Variants in SLC4A5 observed in about 807,000 individuals in gnomAD.
The protein encoded by SLC4A5 is solute carrier family 4 member 5.
A neutral mutation model predicts 120.4 loss-of-function variants in SLC4A5; 96 were observed. That is an observed-to-expected ratio of 0.80 (90% confidence interval 0.68 to 0.94). SLC4A5 has a LOEUF of 0.94. Among genes scored for constraint, SLC4A5 ranks in the 40% least tolerant of loss-of-function variants. SLC4A5 has a pLI of 0.00. For missense variants in SLC4A5, 1,259 were observed against 1,459.5 expected (o/e 0.86, Z 2.24); for synonymous variants, 550 against 571.1 (o/e 0.96, Z 0.53).
At chr2:74,316,635 C>T (rs1056285056) in intron 5 of SLC4A5, among the ~76,000 whole-genome samples, 15 of 152,174 alleles carry the variant, frequency 9.9e-5, no homozygotes, top group East Asian at 1.9e-4. Flanking sequence ...AAGTTATACA[C>T]GCCTACACTT....
chr2:74,312,451 A>G (rs540733471), intron 6 of SLC4A5, among the ~76,000 whole-genome samples: 15 of 151,858 alleles, frequency 9.9e-5, no homozygotes, highest in African/African-American at 3.6e-4. Flanking sequence ...GCTGGTCTCA[A>G]ACTCTTGACC....
At chr2:74,298,862 A>G (rs1384641772) in intron 7 of SLC4A5, among the ~76,000 whole-genome samples, 1 of 152,222 alleles carries the variant, frequency 6.6e-6, no homozygotes, top group Non-Finnish European at 1.5e-5. Context: ...CCTGGGCAAC[A>G]CAGTGAGACC....
At chr2:74,306,502 CTT>C (rs1011294764) in intron 6 of SLC4A5, among the ~76,000 whole-genome samples, 7 of 152,194 alleles carry the variant, frequency 4.6e-5, no homozygotes, top group Non-Finnish European at 8.8e-5. Context: ...GTAAAACTGT[CTT>C]TGACTGCCGA....
At chr2:74,313,985 T>A (rs1485358839) in intron 6 of SLC4A5, among the ~76,000 whole-genome samples, 1 of 152,176 alleles carries the variant, frequency 6.6e-6, no homozygotes, top group African/African-American at 2.4e-5. Flanking sequence ...AATGTGGGAA[T>A]GAAAATCCTT....
intron 25 of SLC4A5, among the ~76,000 whole-genome samples, chr2:74,230,395 G>GC (rs1679216161): frequency 6.6e-6 from 1 of 152,160 alleles, no homozygotes; most frequent in Non-Finnish European, 1.5e-5. Flanking sequence ...TAGTCTCTTA[G>GC]CTGTTGTGGT....
intron 5 of SLC4A5, among the ~76,000 whole-genome samples, chr2:74,326,752 G>A (rs1031491595): frequency 3.3e-5 from 5 of 152,196 alleles, no homozygotes; most frequent in African/African-American, 1.2e-4. Context: ...CCAGGAGGCA[G>A]AGGTTGCAGT....
At chr2:74,232,828 GAACTGCC>G (rs1405267065) in intron 23 of SLC4A5, among the ~76,000 whole-genome samples, 181 bp from the exon 24 acceptor site, 4 of 152,222 alleles carry the variant, frequency 2.6e-5, no homozygotes, top group Admixed American at 2.0e-4. Context: ...CTGAAAGGGT[GAACTGCC>G]TAAGGGGTAT....
intron 2 of SLC4A5, 45 bp from the exon 3 acceptor site, chr2:74,338,948 C>T (rs1673561630): frequency 6.6e-6 from 1 of 152,216 alleles, no homozygotes; most frequent in Admixed American, 6.5e-5. Flanking sequence ...TTACTCACCT[C>T]CCTGTGCTTA....
At chr2:74,227,818 C>T in exon 26 of SLC4A5, 1 of 1,609,806 alleles carries the variant, frequency 6.2e-7, no homozygotes, top group South Asian at 1.1e-5. Flanking sequence ...ACCTGGATGC[C>T]ATTCAGGGAG....
intron 8 of SLC4A5, among the ~76,000 whole-genome samples, chr2:74,266,548 C>T (rs1671309599): frequency 6.6e-6 from 1 of 152,256 alleles, no homozygotes; most frequent in East Asian, 1.9e-4. Context: ...GAATCACAGT[C>T]GTGAGCCACC....
chr2:74,218,544 A>G (rs1171447437), exon 31 of SLC4A5: 23 of 152,470 alleles, frequency 1.5e-4, no homozygotes, highest in Admixed American at 1.5e-3. Flanking sequence ...ATAAAGAAGG[A>G]AACAGGCACA....
intron 2 of SLC4A5, among the ~76,000 whole-genome samples, chr2:74,341,142 TA>T (rs1345448023): frequency 6.6e-6 from 1 of 151,882 alleles, no homozygotes; most frequent in Non-Finnish European, 1.5e-5. Context: ...CCATCTCTAC[TA>T]AAAATACAAA....
chr2:74,279,054 C>A (rs936156551), intron 8 of SLC4A5, among the ~76,000 whole-genome samples: 2 of 152,240 alleles, frequency 1.3e-5, no homozygotes, highest in African/African-American at 4.8e-5. Context: ...CCTCCCTCAG[C>A]TTCTTTTCCC....
intron 6 of SLC4A5, among the ~76,000 whole-genome samples, chr2:74,313,049 CTT>C (rs58455711): frequency 4.1e-4 from 44 of 107,906 alleles, no homozygotes; most frequent in African/African-American, 7.4e-4. Flanking sequence ...CCTTTTTGGT[CTT>C]TTTTTTTTTT....
At position 74,248,321 on chromosome 2, in the gene SLC4A5, G is replaced by A. The variant is rs747682428; in HGVS notation, c.1787+32C>T. The A allele has an allele frequency of 1.1e-5, 18 of 1,610,964 alleles. No homozygotes were observed. The East Asian group carries it at 2.5e-4, about 22-fold the overall frequency. ...CCAGCATACTGCCCCAAATGCGAGA[G>A]CAGGCACTGGGGGCCACCAAGGGAC... is the stretch of plus-strand genomic sequence containing the variant. On this transcript the variant is annotated intron_variant, in intron 18 of 30. Transcript: ENST00000394019.
exon 31 of SLC4A5, chr2:74,218,591 G>C (rs1257060981): frequency 2.0e-5 from 3 of 152,680 alleles, no homozygotes; most frequent in South Asian, 2.1e-4. Flanking sequence ...ACTAAGCCAG[G>C]CTCTCCATCT....
intron 5 of SLC4A5, 25 bp from the exon 6 acceptor site, chr2:74,315,050 TC>T: frequency 1.3e-6 from 2 of 1,564,904 alleles, no homozygotes; most frequent in East Asian, 4.5e-5. Context: ...GAACACAGCC[TC>T]AAAATGTATA....
chr2:74,241,109 T>A (rs373494886), intron 20 of SLC4A5, among the ~76,000 whole-genome samples: 1 of 151,746 alleles, frequency 6.6e-6, no homozygotes, highest in African/African-American at 2.4e-5. Flanking sequence ...GGCTGGAGAG[T>A]GGCACTGCTA....
chr2:74,321,250 A>C (rs936989635), intron 5 of SLC4A5, among the ~76,000 whole-genome samples: 1 of 152,212 alleles, frequency 6.6e-6, no homozygotes, highest in African/African-American at 2.4e-5. Flanking sequence ...CTCCAGCCAC[A>C]GTAGCACTAT....
Sources: allele counts gnomAD v4.1 joint callset (sites outside exome capture counted in the v4.1 genomes callset), GRCh38; gene constraint gnomAD v4.1.1; transcripts MANE v1.5; gene names NCBI Gene and HGNC (gene_info 2026-07-23, HGNC 2026-07-21).